Variants in RAD51C observed in about 807,000 individuals in gnomAD.
RAD51C encodes the protein DNA repair protein RAD51 homolog 3.
In RAD51C, 42 loss-of-function variants were observed where a neutral mutation model predicts 45.0. The observed-to-expected ratio is 0.93, with a 90% CI of 0.73 to 1.21. The LOEUF is 1.21. Ranked by LOEUF, RAD51C falls within the 50% of genes most tolerant of loss-of-function variation. The probability of loss-of-function intolerance (pLI) is 0.00; values close to 1 mark genes in which losing one functional copy is unlikely to be tolerated. For missense variants in RAD51C, 474 were observed against 452.2 expected (o/e 1.05, Z -0.44); for synonymous variants, 172 against 159.8 (o/e 1.08, Z -0.58).
At chr17:58,699,462 G>T (rs1270606503) in intron 3 of RAD51C, among the ~76,000 whole-genome samples, 3 of 151,034 alleles carry the variant, frequency 2.0e-5, no homozygotes, top group South Asian at 4.2e-4. Flanking sequence ...TTTTTTCATG[G>T]AGGTACTAAG....
At chr17:58,723,738 T>C (rs1269587918) in intron 6 of RAD51C, among the ~76,000 whole-genome samples, 3 of 152,170 alleles carry the variant, frequency 2.0e-5, no homozygotes, top group African/African-American at 7.2e-5. Context: ...CCAGAGTTTT[T>C]ACTTTTCTTC....
intron 3 of RAD51C, 82 bp downstream of exon 3, chr17:58,696,941 T>G (rs2048038863): frequency 6.8e-7 from 1 of 1,477,374 alleles, no homozygotes. Flanking sequence ...TCAGCAACAC[T>G]CCATTTGGAA....
intron 6 of RAD51C, among the ~76,000 whole-genome samples, chr17:58,721,725 C>T (rs1172142547): frequency 6.6e-6 from 1 of 151,670 alleles, no homozygotes; most frequent in Non-Finnish European, 1.5e-5. Context: ...CGCCATTGCA[C>T]TCCAGCCTGG....
chr17:58,693,022 A>G (rs886830160), intron 1 of RAD51C: 1 of 570,094 alleles, frequency 1.8e-6, no homozygotes, highest in Non-Finnish European at 3.1e-6. Context: ...ATGCCTGCTG[A>G]ATGCTTTGAG....
intron 8 of RAD51C, 63 bp downstream of exon 8, chr17:58,732,607 A>C (rs2049477986): frequency 6.7e-7 from 1 of 1,499,144 alleles, no homozygotes; most frequent in Non-Finnish European, 9.3e-7. Flanking sequence ...CTAAAGAGAG[A>C]ATTTACAACT....
At chr17:58,732,635 G>A (rs1447985692) in intron 8 of RAD51C, 91 bp downstream of exon 8, 4 of 1,247,872 alleles carry the variant, frequency 3.2e-6, no homozygotes, top group East Asian at 4.7e-5. Flanking sequence ...GTCAACTTCT[G>A]TAGGCAGCAA....
chr17:58,706,894 G>A (rs2048397285), intron 4 of RAD51C, among the ~76,000 whole-genome samples: 1 of 152,076 alleles, frequency 6.6e-6, no homozygotes, highest in Non-Finnish European at 1.5e-5. Flanking sequence ...CGTACCTTTG[G>A]TCTTCTCTCT....
At chr17:58,699,594 G>C (rs1365740577) in intron 3 of RAD51C, among the ~76,000 whole-genome samples, 1 of 152,054 alleles carries the variant, frequency 6.6e-6, no homozygotes, top group Non-Finnish European at 1.5e-5. Context: ...CAATTGAAAA[G>C]AAACAGATAA....
chr17:58,716,756 C>A (rs1453738396), intron 5 of RAD51C, among the ~76,000 whole-genome samples: 1 of 149,116 alleles, frequency 6.7e-6, no homozygotes, highest in Non-Finnish European at 1.5e-5. Flanking sequence ...GCCACCACGC[C>A]TGGCTTCTAA....
chr17:58,722,085 A>G (rs949668215), intron 6 of RAD51C, among the ~76,000 whole-genome samples: 2 of 152,204 alleles, frequency 1.3e-5, no homozygotes, highest in African/African-American at 4.8e-5. Context: ...TAAATCAGAA[A>G]GCAAATTTAT....
At chr17:58,712,001 G>A (rs2048571391) in intron 5 of RAD51C, among the ~76,000 whole-genome samples, 1 of 151,590 alleles carries the variant, frequency 6.6e-6, no homozygotes, top group African/African-American at 2.4e-5. Flanking sequence ...AGGAGTTTGA[G>A]ACCAGCCTGA....
chr17:58,694,641 A>AT (rs1598454614), intron 1 of RAD51C: 2 of 380,906 alleles, frequency 5.3e-6, no homozygotes, highest in East Asian at 1.2e-4. Flanking sequence ...TGCCCGGCTA[A>AT]TTTTTGTATT....
Position 58,734,584 on chromosome 17 carries a change from TTGTG to T in RAD51C, c.*364_*367del. ...TAGGAAGAAACATATCATATTCTTATTGTGTTTTTTTTTTTTTTTTTTTTTTTGG... is the reference window on the plus strand; with the variant it reads ...TAGGAAGAAACATATCATATTCTTATTTTTTTTTTTTTTTTTTTTTTTTGG... On this transcript the variant is annotated 3_prime_UTR_variant, in exon 9 of 9. Coordinates refer to ENST00000337432, the MANE Select transcript of RAD51C (RefSeq NM_058216.3). 4.2e-6 allele frequency: 1 copy of T among 237,414 alleles called. No individual in the cohort carries two copies. The allele number at this position is 237,414 out of a possible 1,614,324, so 14.7% of individuals were successfully genotyped here.
intron 3 of RAD51C, among the ~76,000 whole-genome samples, 177 bp downstream of exon 3, chr17:58,697,036 G>C (rs2048041798): frequency 6.6e-6 from 1 of 152,124 alleles, no homozygotes; most frequent in Non-Finnish European, 1.5e-5. Context: ...GCCTGGACTG[G>C]CTTTTTTTTG....
chr17:58,731,503 CCT>C, intron 7 of RAD51C, among the ~76,000 whole-genome samples: 2 of 152,184 alleles, frequency 1.3e-5, no homozygotes, highest in Non-Finnish European at 2.9e-5. Context: ...AGGTGATCTG[CCT>C]GCCTTGGCCT....
intron 5 of RAD51C, 135 bp downstream of exon 5, chr17:58,710,125 T>C (rs2048506608): frequency 9.7e-7 from 1 of 1,028,324 alleles, no homozygotes; most frequent in East Asian, 2.7e-5. Flanking sequence ...TACGTTTGGT[T>C]GGTTTCCATT....
At chr17:58,732,104 T>C (rs2049449907) in intron 7 of RAD51C, among the ~76,000 whole-genome samples, 1 of 152,156 alleles carries the variant, frequency 6.6e-6, no homozygotes, top group Non-Finnish European at 1.5e-5. Flanking sequence ...CTTTTAGATG[T>C]GCGTATACAT....
In RAD51C at chr17:58,734,358, A is replaced by G. The variant is rs943261580; in HGVS notation, c.*136A>G. 8.5e-6 allele frequency: 12 copies of G among 1,406,444 alleles called. No individual in the cohort carries two copies. The highest frequency in any genetic ancestry group is 4.1e-5 in the South Asian group (3 of 72,680). 87.1% of individuals were successfully genotyped at this position (1,406,444 alleles called of 1,614,324 possible). On this transcript the variant is annotated 3_prime_UTR_variant, in exon 9 of 9. Transcript: ENST00000337432. Reference sequence around the variant, plus strand: ...CCAGATCATATGAAGTGAATGGGAAAAATACCTAAATATGATTCTGTGAAA... The same window carrying G: ...CCAGATCATATGAAGTGAATGGGAAGAATACCTAAATATGATTCTGTGAAA...
chr17:58,724,205 C>T (rs906431384), intron 7 of RAD51C, 105 bp downstream of exon 7: 1 of 1,107,566 alleles, frequency 9.0e-7, no homozygotes, highest in Non-Finnish European at 1.4e-6. Context: ...TATACAGTGA[C>T]CCATGAAGTG....
Sources: gnomAD v4.1 joint callset for allele counts (sites outside exome capture counted in the v4.1 genomes callset) on GRCh38, gnomAD v4.1.1 for gene constraint, MANE v1.5 for transcripts, NCBI Gene and HGNC (gene_info 2026-07-23, HGNC 2026-07-21) for gene names.